Variants in ADAMTS6 observed in about 807,000 individuals in gnomAD.
ADAMTS6 encodes A disintegrin and metalloproteinase with thrombospondin motifs 6.
In ADAMTS6, 23 loss-of-function variants were observed where a neutral mutation model predicts 144.3. That is an observed-to-expected ratio of 0.16 (90% CI 0.11 to 0.23). The LOEUF (loss-of-function observed/expected upper bound fraction) is 0.23. Ranked by LOEUF, ADAMTS6 falls within the 10% of genes least tolerant of loss-of-function variation. The pLI, the probability that ADAMTS6 is intolerant of heterozygous loss-of-function variation, is 1.00. For synonymous variants in ADAMTS6, 444 were observed against 457.5 expected (o/e 0.97, Z 0.38); for missense variants, 999 against 1,379.6 (o/e 0.72, Z 4.37).
chr5:65,374,702 T>C (rs1187543410), intron 7 of ADAMTS6, among the ~76,000 whole-genome samples: 4 of 152,190 alleles, frequency 2.6e-5, no homozygotes, highest in Admixed American at 2.6e-4. Flanking sequence ...ATTTACAGAT[T>C]CAATGCCATC....
At chr5:65,170,215 G>A (rs1292307135) in intron 24 of ADAMTS6, among the ~76,000 whole-genome samples, 2 of 152,112 alleles carry the variant, frequency 1.3e-5, no homozygotes, top group Non-Finnish European at 2.9e-5. Flanking sequence ...TAACAAGAAT[G>A]AATTTAAATC....
intron 7 of ADAMTS6, among the ~76,000 whole-genome samples, chr5:65,431,381 T>C (rs1008596794): frequency 2.6e-5 from 4 of 152,138 alleles, no homozygotes; most frequent in African/African-American, 9.6e-5. Flanking sequence ...AGAAATATGC[T>C]GGTAGGCAGA....
chr5:65,157,162 T>C (rs1752475158), intron 24 of ADAMTS6, among the ~76,000 whole-genome samples: 1 of 152,208 alleles, frequency 6.6e-6, no homozygotes. Flanking sequence ...GTGGTTCTCA[T>C]TGGTAATCTG....
At chr5:65,358,668 C>A (rs143581027) in intron 7 of ADAMTS6, among the ~76,000 whole-genome samples, 1 of 151,988 alleles carries the variant, frequency 6.6e-6, no homozygotes, top group African/African-American at 2.4e-5. Flanking sequence ...GGTACTGACA[C>A]AGAAACAGAT....
At chr5:65,480,876 CTG>C (rs1761152334) in intron 1 of ADAMTS6, among the ~76,000 whole-genome samples, 1 of 152,156 alleles carries the variant, frequency 6.6e-6, no homozygotes, top group African/African-American at 2.4e-5. Flanking sequence ...ATGCTACCCT[CTG>C]AGCCCAGGCA....
chr5:65,350,961 A>G (rs997083088), intron 7 of ADAMTS6, among the ~76,000 whole-genome samples: 3 of 152,108 alleles, frequency 2.0e-5, no homozygotes, highest in Non-Finnish European at 2.9e-5. Flanking sequence ...AACTTTATAC[A>G]TAGTCAGTTA....
chr5:65,224,470 A>T, intron 17 of ADAMTS6, 70 bp from the exon 18 acceptor site: 1 of 1,274,686 alleles, frequency 7.8e-7, no homozygotes. Context: ...ACCATTCAAT[A>T]GTAATAGTTT....
chr5:65,390,865 T>G (rs1752855077), intron 7 of ADAMTS6, among the ~76,000 whole-genome samples: 1 of 152,208 alleles, frequency 6.6e-6, no homozygotes, highest in African/African-American at 2.4e-5. Flanking sequence ...GTGATATACT[T>G]TCAGATGTCT....
intron 7 of ADAMTS6, among the ~76,000 whole-genome samples, chr5:65,362,327 C>T (rs954041986): frequency 4.6e-5 from 7 of 152,144 alleles, no homozygotes; most frequent in Admixed American, 2.6e-4. Context: ...TTTCCCATAT[C>T]GGCTATCTCA....
intron 24 of ADAMTS6, among the ~76,000 whole-genome samples, chr5:65,157,957 T>G (rs530059501): frequency 7.6e-4 from 116 of 152,308 alleles, no homozygotes; most frequent in African/African-American, 2.7e-3. Context: ...CAATTTCCCA[T>G]AGACTAGACC....
chr5:65,434,429 A>T (rs1418588376), intron 7 of ADAMTS6, among the ~76,000 whole-genome samples: 2 of 152,216 alleles, frequency 1.3e-5, no homozygotes, highest in African/African-American at 4.8e-5. Flanking sequence ...CTCAGGCTAA[A>T]TGGGTGAATT....
intron 7 of ADAMTS6, among the ~76,000 whole-genome samples, chr5:65,369,694 A>T (rs1026889606): frequency 6.6e-6 from 1 of 152,222 alleles, no homozygotes. Flanking sequence ...TTGACATCTT[A>T]TTTAATAGAA....
At chr5:65,457,432 C>T (rs1408915456) in intron 4 of ADAMTS6, among the ~76,000 whole-genome samples, 1 of 152,090 alleles carries the variant, frequency 6.6e-6, no homozygotes, top group Non-Finnish European at 1.5e-5. Flanking sequence ...GAATATCTTT[C>T]CCCAAAAGTG....
intron 7 of ADAMTS6, among the ~76,000 whole-genome samples, chr5:65,421,346 A>G (rs759937951): frequency 9.9e-5 from 15 of 152,200 alleles, no homozygotes; most frequent in African/African-American, 3.6e-4. Flanking sequence ...GCTGGATACA[A>G]AATTCATGGC....
chr5:65,391,427 C>CT (rs1752903482), intron 7 of ADAMTS6, among the ~76,000 whole-genome samples: 1 of 149,420 alleles, frequency 6.7e-6, no homozygotes, highest in Non-Finnish European at 1.5e-5. Flanking sequence ...TCTACACACA[C>CT]ACACACACAC....
intron 11 of ADAMTS6, among the ~76,000 whole-genome samples, chr5:65,281,997 A>C (rs1763023555): frequency 6.6e-6 from 1 of 152,198 alleles, no homozygotes; most frequent in Non-Finnish European, 1.5e-5. Flanking sequence ...AGCAGCTTAC[A>C]CAAGGGGAGG....
In ADAMTS6 at chr5:65,452,959, A is replaced by C. The variant is rs758863896; in HGVS notation, c.632-41T>G. ...CCAATTCAGATAGGTTCACTAATTA[A>C]AAATATTTATTTATAGATCTTTCAT... is the stretch of plus-strand genomic sequence containing the variant. On this transcript the variant is annotated intron_variant, in intron 4 of 24. Transcript: ENST00000381055. The C allele has an allele frequency of 3.3e-5, 49 of 1,465,912 alleles. No homozygotes were observed. The East Asian group carries it at 1.1e-3, about 33-fold the overall frequency. The allele number at this position is 1,465,912 out of a possible 1,614,324, so 90.8% of individuals were successfully genotyped here. A position where few individuals can be genotyped will look rare whatever the true frequency, so the allele number is the denominator to read the frequency against.
At chr5:65,238,599 C>CA (rs201993510) in intron 15 of ADAMTS6, among the ~76,000 whole-genome samples, 2,273 of 117,328 alleles carry the variant, frequency 0.019, 26 homozygotes, top group Middle Eastern at 0.044. Flanking sequence ...GACCCTGTCT[C>CA]AAAAAAAAAA....
intron 7 of ADAMTS6, among the ~76,000 whole-genome samples, chr5:65,396,059 T>C (rs1753306871): frequency 6.6e-6 from 1 of 152,132 alleles, no homozygotes. Context: ...AAAAAATAAA[T>C]ACATAAAATT....
Sources: gnomAD v4.1 joint callset for allele counts (sites outside exome capture counted in the v4.1 genomes callset) on GRCh38, gnomAD v4.1.1 for gene constraint, MANE v1.5 for transcripts, NCBI Gene and HGNC (gene_info 2026-07-23, HGNC 2026-07-21) for gene names.